The following SLC44A5 variants were observed in gnomAD, a reference collection of about 807,000 sequenced individuals.
SLC44A5 encodes the protein choline transporter-like protein 5.
In SLC44A5, 57 loss-of-function variants were observed where a neutral mutation model predicts 101.8. The observed-to-expected ratio is 0.56, with a 90% confidence interval of 0.45 to 0.70. The LOEUF (loss-of-function observed/expected upper bound fraction) is 0.70. SLC44A5 is among the 30% of genes least tolerant of loss of function. SLC44A5 has a pLI of 0.00. For synonymous variants in SLC44A5, 281 were observed against 290.9 expected (o/e 0.97, Z 0.35); for missense variants, 737 against 853.1 (o/e 0.86, Z 1.70).
At chr1:75,494,630 G>A (rs566644749) in intron 2 of SLC44A5, among the ~76,000 whole-genome samples, 6 of 152,208 alleles carry the variant, frequency 3.9e-5, no homozygotes, top group South Asian at 2.1e-4. Flanking sequence ...TTTTCTGGTC[G>A]TTACCTGAGA....
intron 3 of SLC44A5, among the ~76,000 whole-genome samples, chr1:75,389,287 G>T (rs932106415): frequency 1.3e-5 from 2 of 151,962 alleles, no homozygotes; most frequent in Admixed American, 6.6e-5. Flanking sequence ...AACTAACAAA[G>T]AAATTCTGGA....
intron 7 of SLC44A5, 89 bp downstream of exon 7, chr1:75,251,121 C>T (rs1649531166): frequency 1.2e-5 from 12 of 1,031,934 alleles, no homozygotes; most frequent in South Asian, 1.3e-5. Context: ...CACGCACACA[C>T]ACAGAGAACT....
chr1:75,219,904 CAAAT>C lies in SLC44A5; in HGVS notation c.1086-16_1086-13del, dbSNP rs1186263638. The C allele has an allele frequency of 6.5e-7, 1 of 1,544,988 alleles. No homozygotes were observed. Among genetic ancestry groups the C allele is most frequent in the Non-Finnish European group, 8.9e-7 (1 of 1,125,642 alleles). On this transcript the variant is annotated splice_polypyrimidine_tract_variant and intron_variant, in intron 14 of 23. Transcript: ENST00000370859. The stretch of plus-strand genomic sequence containing the variant: ...CATATCCAATGGCTCTGAAATAAAA[CAAAT>C]AGTTGAAATTCAATTGTTAAAACTA...
chr1:75,500,008 C>G (rs751865264), intron 2 of SLC44A5, among the ~76,000 whole-genome samples: 1 of 152,152 alleles, frequency 6.6e-6, no homozygotes, highest in African/African-American at 2.4e-5. Context: ...TCAATGCCCA[C>G]GTGATGTTGA....
At chr1:75,615,472 C>CACACACAT (rs1675838764), upstream of SLC44A5, among the ~76,000 whole-genome samples, 3 of 119,426 alleles carry the variant, frequency 2.5e-5, no homozygotes, top group Non-Finnish European at 3.9e-5. Context: ...CACACACACA[C>CACACACAT]ACACACGAGA....
intron 6 of SLC44A5, among the ~76,000 whole-genome samples, chr1:75,270,934 T>A (rs1300847724): frequency 6.6e-6 from 1 of 152,268 alleles, no homozygotes; most frequent in Non-Finnish European, 1.5e-5. Context: ...AATGCCCTTT[T>A]AAAAACAAAC....
chr1:75,478,113 A>C (rs1018726815), intron 2 of SLC44A5, among the ~76,000 whole-genome samples: 3 of 152,220 alleles, frequency 2.0e-5, no homozygotes, highest in Non-Finnish European at 2.9e-5. Flanking sequence ...TTCTTAAAGA[A>C]AAGAATTGTC....
At chr1:75,209,144 A>G (rs1455820277) in intron 23 of SLC44A5, among the ~76,000 whole-genome samples, 1 of 152,228 alleles carries the variant, frequency 6.6e-6, no homozygotes, top group East Asian at 1.9e-4. Context: ...CACTGAATCA[A>G]GCTGATGTAC....
At chr1:75,558,683 C>T (rs912089657) in intron 1 of SLC44A5, among the ~76,000 whole-genome samples, 13 of 151,932 alleles carry the variant, frequency 8.6e-5, no homozygotes, top group African/African-American at 1.9e-4. Flanking sequence ...AACAACTTTG[C>T]GATATTTTGA....
At chr1:75,572,874 G>T (rs796442988) in intron 1 of SLC44A5, among the ~76,000 whole-genome samples, 11 of 152,090 alleles carry the variant, frequency 7.2e-5, no homozygotes, top group African/African-American at 2.7e-4. Flanking sequence ...TGTAATACCA[G>T]CACTTTGGGA....
chr1:75,451,787 C>T (rs1381521831), intron 2 of SLC44A5, among the ~76,000 whole-genome samples: 1 of 151,916 alleles, frequency 6.6e-6, no homozygotes, highest in Admixed American at 6.5e-5. Flanking sequence ...CTAACTAAAT[C>T]AGTCAGACAA....
chr1:75,258,438 A>G (rs1297892302), intron 6 of SLC44A5, among the ~76,000 whole-genome samples: 1 of 133,326 alleles, frequency 7.5e-6, no homozygotes, highest in East Asian at 2.3e-4. Flanking sequence ...AGCTCACCAC[A>G]GCTCAGCAAG....
rs551822438 is a variant in SLC44A5, at chr1:75,500,889, A to G, written c.13+40546T>C. Among the ~76,000 whole-genome samples, 11 of 152,316 alleles carry G rather than the reference A, an allele frequency of 7.2e-5. No individual in the cohort carries two copies. In the South Asian group the frequency reaches 1.9e-3, roughly 26 times the overall value. ...GCCAACTCTCTCATTTTCTAGTTGTATGGCCTTGAACAAATCGATGTATCA... is the reference window on the plus strand; with the variant it reads ...GCCAACTCTCTCATTTTCTAGTTGTGTGGCCTTGAACAAATCGATGTATCA... On this transcript the variant is annotated intron_variant, in intron 2 of 23. Coordinates refer to ENST00000370859, the MANE Select transcript of SLC44A5 (RefSeq NM_001130058.2).
At chr1:75,385,156 G>A (rs1397291393) in intron 3 of SLC44A5, among the ~76,000 whole-genome samples, 1 of 149,912 alleles carries the variant, frequency 6.7e-6, no homozygotes, top group Non-Finnish European at 1.5e-5. Flanking sequence ...AACTAGAAAA[G>A]CAAGAGCAAA....
intron 3 of SLC44A5, among the ~76,000 whole-genome samples, chr1:75,363,706 C>T (rs983694914): frequency 2.0e-5 from 3 of 152,162 alleles, no homozygotes; most frequent in Admixed American, 6.6e-5. Flanking sequence ...TTGCTTTCCA[C>T]ATCACCCTTA....
chr1:75,471,151 G>T (rs984829503), intron 2 of SLC44A5, among the ~76,000 whole-genome samples: 20 of 151,042 alleles, frequency 1.3e-4, no homozygotes, highest in Admixed American at 1.3e-3. Context: ...TTTTTTTTAC[G>T]GCCTGGCTGT....
At chr1:75,526,562 T>A (rs1670419034) in intron 2 of SLC44A5, among the ~76,000 whole-genome samples, 1 of 152,186 alleles carries the variant, frequency 6.6e-6, no homozygotes, top group South Asian at 2.1e-4. Flanking sequence ...TACATGTCTG[T>A]TGTGCTAAAG....
chr1:75,588,650 G>A (rs1674162808), intron 1 of SLC44A5, among the ~76,000 whole-genome samples: 1 of 152,084 alleles, frequency 6.6e-6, no homozygotes, highest in South Asian at 2.1e-4. Context: ...GGGGAACATT[G>A]TACCCGGCAT....
chr1:75,402,414 A>G, intron 2 of SLC44A5: 1 of 387,054 alleles, frequency 2.6e-6, no homozygotes. Context: ...CCAAATAGAA[A>G]CAGCTCTGGT....
Sources: allele counts gnomAD v4.1 joint callset (sites outside exome capture counted in the v4.1 genomes callset), GRCh38; gene constraint gnomAD v4.1.1; transcripts MANE v1.5; gene names NCBI Gene and HGNC (gene_info 2026-07-23, HGNC 2026-07-21).